Variants in TENM4 observed in about 807,000 individuals in gnomAD.
TENM4 encodes the protein teneurin transmembrane protein 4.
TENM4 carries 82 observed loss-of-function variants against 243.3 expected under a neutral mutation model. That is an observed-to-expected ratio of 0.34 (90% CI 0.28 to 0.40). The LOEUF is 0.40. Among genes scored for constraint, TENM4 ranks in the 10% least tolerant of loss-of-function variants. The probability of loss-of-function intolerance (pLI) is 1.00; values close to 1 mark genes in which losing one functional copy is unlikely to be tolerated. For missense variants in TENM4, 3,138 were observed against 3,673.3 expected, an observed-to-expected ratio of 0.85 and a Z score of 3.77; for synonymous variants, 1,412 against 1,456.3, an observed-to-expected ratio of 0.97 and a Z score of 0.69.
chr11:79,205,142 C>T lies in TENM4; in HGVS notation c.-163+10666G>A, dbSNP rs1863823503. On this transcript the variant is annotated intron_variant, in intron 3 of 33. Coordinates refer to ENST00000278550, the MANE Select transcript of TENM4 (RefSeq NM_001098816.3). ...TTTTAAAGTTACTTGCAATATCTTT[C>T]TTTTTTTAAATTGATATTTGTATTG... 2.6e-5 allele frequency among the ~76,000 whole-genome samples: 4 copies of T among 152,054 alleles called. No homozygotes were observed. The East Asian group carries it at 7.7e-4, about 29-fold the overall frequency.
chr11:79,158,841 C>G (rs770866288), intron 3 of TENM4, among the ~76,000 whole-genome samples: 1 of 152,156 alleles, frequency 6.6e-6, no homozygotes, highest in Admixed American at 6.5e-5. Context: ...TGGCCACCAG[C>G]CACTGAGGAA....
intron 9 of TENM4, among the ~76,000 whole-genome samples, chr11:78,871,659 C>G (rs778081945): frequency 2.0e-5 from 3 of 152,198 alleles, no homozygotes; most frequent in Non-Finnish European, 4.4e-5. Flanking sequence ...CAGAGCAGGA[C>G]AGCCATCCTC....
intron 3 of TENM4, among the ~76,000 whole-genome samples, chr11:79,184,619 A>T (rs570649980): frequency 6.6e-6 from 1 of 152,282 alleles, no homozygotes; most frequent in Non-Finnish European, 1.5e-5. Flanking sequence ...AGCCAATCAC[A>T]AAAGGACAAA....
chr11:79,095,866 T>A (rs11603285), intron 4 of TENM4: 44,827 of 151,998 alleles, frequency 0.29, 6,718 homozygotes, highest in East Asian at 0.42. Flanking sequence ...AGTAGCAGAG[T>A]TAGGGGTCAG....
chr11:79,067,060 AGCCCCTTCCCAATAC>A (rs1860279294), intron 5 of TENM4, among the ~76,000 whole-genome samples: 1 of 152,184 alleles, frequency 6.6e-6, no homozygotes, highest in Admixed American at 6.5e-5. Flanking sequence ...TGGCTGTTCC[AGCCCCTTCCCAATAC>A]CCCCAATCTC....
chr11:79,231,625 T>C (rs1033581047), intron 2 of TENM4, among the ~76,000 whole-genome samples: 1 of 152,214 alleles, frequency 6.6e-6, no homozygotes, highest in Non-Finnish European at 1.5e-5. Context: ...TGTCCTTATC[T>C]GTCAAATACA....
intron 6 of TENM4, among the ~76,000 whole-genome samples, chr11:78,994,771 C>A (rs546645985): frequency 6.6e-6 from 1 of 152,272 alleles, no homozygotes; most frequent in East Asian, 1.9e-4. Context: ...GAGTATCAAT[C>A]TCTGTTTTGT....
At chr11:78,705,571 C>T (rs185664602) in intron 27 of TENM4, among the ~76,000 whole-genome samples, 19 of 152,236 alleles carry the variant, frequency 1.2e-4, no homozygotes, top group Non-Finnish European at 2.1e-4. Flanking sequence ...GCAGCTCCCA[C>T]GTTCTATGGT....
intron 2 of TENM4, among the ~76,000 whole-genome samples, chr11:79,243,391 T>G (rs1195045989): frequency 6.6e-6 from 1 of 152,146 alleles, no homozygotes; most frequent in Non-Finnish European, 1.5e-5. Context: ...CAACTCTCTT[T>G]CTGAATTTGT....
intron 2 of TENM4, among the ~76,000 whole-genome samples, chr11:79,264,654 T>TG (rs1462237504): frequency 6.6e-6 from 1 of 152,156 alleles, no homozygotes; most frequent in Non-Finnish European, 1.5e-5. Flanking sequence ...ACAAAATCTC[T>TG]GGGCCGTGGT....
intron 3 of TENM4, among the ~76,000 whole-genome samples, chr11:79,206,636 A>T (rs544984179): frequency 6.6e-6 from 1 of 152,262 alleles, no homozygotes; most frequent in Admixed American, 6.5e-5. Flanking sequence ...TGCTATTCTC[A>T]TGAATAAGTC....
At chr11:78,921,186 G>T (rs1053275677) in intron 6 of TENM4, among the ~76,000 whole-genome samples, 3 of 152,350 alleles carry the variant, frequency 2.0e-5, no homozygotes, top group South Asian at 4.1e-4. Flanking sequence ...GCTGGGAAGA[G>T]CCAGTCCTGT....
At chr11:79,250,778 A>G (rs1243094064) in intron 2 of TENM4, among the ~76,000 whole-genome samples, 2 of 152,248 alleles carry the variant, frequency 1.3e-5, no homozygotes, top group Non-Finnish European at 2.9e-5. Flanking sequence ...AAATTTAGAC[A>G]ACAACTTGCT....
rs113275033 is a variant in TENM4 at position 78,795,160 on chromosome 11, G to A, written c.2180-8077C>T. 1.2e-3 allele frequency among the ~76,000 whole-genome samples: 185 copies of A among 152,166 alleles called. 1 individual carries two copies. Among genetic ancestry groups the A allele is most frequent in the African/African-American group, 4.2e-3 (175 of 41,512 alleles). ...CACCTCCTCCTTGAAACCCCCTCCC[G>A]GCAGCTGGAAGGAGTTTCACCTTCT... is the stretch of plus-strand genomic sequence containing the variant. On this transcript the variant is annotated intron_variant, in intron 15 of 33. Coordinates refer to ENST00000278550, the MANE Select transcript of TENM4 (RefSeq NM_001098816.3).
chr11:78,992,848 T>G (rs1858080026), intron 6 of TENM4, among the ~76,000 whole-genome samples: 1 of 152,170 alleles, frequency 6.6e-6, no homozygotes, highest in South Asian at 2.1e-4. Context: ...TTTAATTAGG[T>G]GTATATAAAT....
Position 78,889,993 on chromosome 11 carries a change from G to A in TENM4, c.876C>T (p.Thr292=). Residue 292 remains threonine (T), a synonymous_variant, in exon 9 of 34, where the codon ACC becomes ACT. Coordinates refer to ENST00000278550, the MANE Select transcript of TENM4 (RefSeq NM_001098816.3). ...DGHFLFKPGG[T]SPLFCTTSPG... ...GTGATGTGGTGCAGAAGAGCGGGGA[G>A]GTGCCTCCAGGCTTGAAGAGGAAGT... 6.5e-7 allele frequency: 1 copy of A among 1,547,080 alleles called. No individual in the cohort carries two copies. The highest frequency in any genetic ancestry group is 1.4e-5 in the African/African-American group (1 of 73,072).
chr11:78,867,642 CA>C (rs1380679713), intron 9 of TENM4, among the ~76,000 whole-genome samples: 7 of 152,086 alleles, frequency 4.6e-5, no homozygotes, highest in Non-Finnish European at 8.8e-5. Context: ...AATCATAACA[CA>C]AAAATTAGTA....
intron 1 of TENM4, among the ~76,000 whole-genome samples, chr11:79,353,314 C>G (rs1857445215): frequency 6.6e-6 from 1 of 152,128 alleles, no homozygotes; most frequent in Non-Finnish European, 1.5e-5. Context: ...TCTGATAAAA[C>G]AGATCTTACA....
At chr11:78,936,755 AT>A (rs1261046087) in intron 6 of TENM4, among the ~76,000 whole-genome samples, 3 of 152,238 alleles carry the variant, frequency 2.0e-5, no homozygotes, top group Non-Finnish European at 4.4e-5. Context: ...AAAATAGTGA[AT>A]AACTTGTACA....
Sources: allele counts gnomAD v4.1 joint callset (sites outside exome capture counted in the v4.1 genomes callset), GRCh38; gene constraint gnomAD v4.1.1; transcripts MANE v1.5; gene names NCBI Gene and HGNC (gene_info 2026-07-23, HGNC 2026-07-21).